The following PCDHA8 variants were observed in gnomAD, a reference collection of about 807,000 sequenced individuals.
PCDHA8 encodes the protein protocadherin alpha-8.
Under a neutral mutation model 61.8 loss-of-function variants are expected in PCDHA8, and 53 were observed. That is an observed-to-expected ratio of 0.86 (90% confidence interval 0.69 to 1.08). PCDHA8 has a LOEUF of 1.08. Ranked by LOEUF, PCDHA8 falls within the 50% of genes least tolerant of loss-of-function variation. PCDHA8 has a pLI of 0.00. For missense variants in PCDHA8, 1,293 were observed against 1,245.0 expected (o/e 1.04, Z -0.58); for synonymous variants, 618 against 556.6 (o/e 1.11, Z -1.55).
In PCDHA8 at chr5:140,925,595, A is replaced by G. The variant is rs145876147; in HGVS notation, c.2395-53354A>G. 2.8e-3 allele frequency among the ~76,000 whole-genome samples: 431 copies of G among 151,786 alleles called. 1 individual carries two copies. Among genetic ancestry groups the G allele is most frequent in the African/African-American group, 9.9e-3 (412 of 41,446 alleles). On this transcript the variant is annotated intron_variant, in intron 1 of 3. Coordinates refer to ENST00000531613, the MANE Select transcript of PCDHA8 (RefSeq NM_018911.3). ...ACACCAACATGGCGCATGTATACAT[A>G]TGTAACAAACCTGCACGTTGTGCAC...
intron 3 of PCDHA8, among the ~76,000 whole-genome samples, chr5:141,003,476 C>G (rs555987176): frequency 1.3e-3 from 191 of 152,130 alleles, no homozygotes; most frequent in African/African-American, 4.3e-3. Context: ...CACAGTCTCG[C>G]TAATTTTTAT....
Position 141,010,339 on chromosome 5 carries a change from A to G in PCDHA8, c.*402A>G. 2 of 1,534,058 alleles carry G rather than the reference A, an allele frequency of 1.3e-6. No homozygotes were observed. Among genetic ancestry groups the G allele is most frequent in the East Asian group, 4.9e-5 (2 of 40,762 alleles). On this transcript the variant is annotated 3_prime_UTR_variant, in exon 4 of 4. Transcript: ENST00000531613. ...TTGAGCAGCTTGGGAGTTTGTGGCC[A>G]CTGGGTATGTGTGGCTACCGCGGGT...
At chr5:140,977,140 G>A (rs2096748068) in intron 1 of PCDHA8, among the ~76,000 whole-genome samples, 1 of 152,202 alleles carries the variant, frequency 6.6e-6, no homozygotes, top group Non-Finnish European at 1.5e-5. Context: ...GGTCAGTCCT[G>A]CTGGAACTGT....
chr5:140,928,379 G>C, intron 1 of PCDHA8: 1 of 1,614,172 alleles, frequency 6.2e-7, no homozygotes, highest in Non-Finnish European at 8.5e-7. Flanking sequence ...TCAGCCTCTA[G>C]CTTGCTGGCA....
At chr5:140,905,092 CAGTCATGAA>C (rs1554191919) in intron 1 of PCDHA8, among the ~76,000 whole-genome samples, 5 of 152,092 alleles carry the variant, frequency 3.3e-5, no homozygotes, top group African/African-American at 1.2e-4. Flanking sequence ...TTTGGGTTCT[CAGTCATGAA>C]TTGTTTGCCT....
chr5:140,978,898 G>A (rs2096827765), intron 1 of PCDHA8, 51 bp from the exon 2 acceptor site: 1 of 1,612,868 alleles, frequency 6.2e-7, no homozygotes. Flanking sequence ...GCATTCCTGG[G>A]AGAACATTGT....
intron 1 of PCDHA8, among the ~76,000 whole-genome samples, chr5:140,953,875 C>T (rs1054189459): frequency 4.6e-5 from 7 of 152,088 alleles, no homozygotes; most frequent in Admixed American, 4.6e-4. Context: ...CTGCACAGAT[C>T]AACCCATCAC....
chr5:140,857,100 T>G (rs782765383), intron 1 of PCDHA8: 1 of 1,597,740 alleles, frequency 6.3e-7, no homozygotes. Context: ...GAGGTGATTG[T>G]CACTTCTCTG....
At position 140,968,542 on chromosome 5, in the gene PCDHA8, G is replaced by A. The variant is rs782474856; in HGVS notation, c.2395-10407G>A. On this transcript the variant is annotated intron_variant, in intron 1 of 3. Transcript: ENST00000531613. ...CAACCAACTCGTCAGCAGCCTTCGA[G>A]ATGGTGCCTCGAACTGCCCCTGCTG... is the stretch of plus-strand genomic sequence containing the variant. The A allele has an allele frequency of 1.1e-5, 18 of 1,614,204 alleles. 2 individuals are homozygous for A. In the South Asian group the frequency reaches 2.0e-4, roughly 18 times the overall value.
chr5:140,889,760 A>T (rs1228592233), intron 1 of PCDHA8, among the ~76,000 whole-genome samples: 1 of 152,158 alleles, frequency 6.6e-6, no homozygotes, highest in Admixed American at 6.5e-5. Flanking sequence ...CTTTCCTTGA[A>T]CTTTGACTGG....
chr5:140,854,012 A>G (rs1356134246), intron 1 of PCDHA8: 2 of 368,086 alleles, frequency 5.4e-6, no homozygotes, highest in African/African-American at 4.5e-5. Flanking sequence ...AAAAAAAAAA[A>G]TTAGCCGGGC....
chr5:140,937,812 T>A (rs930837901), intron 1 of PCDHA8, among the ~76,000 whole-genome samples: 3 of 150,742 alleles, frequency 2.0e-5, no homozygotes, highest in Non-Finnish European at 4.4e-5. Flanking sequence ...CTCGGGAAGC[T>A]GAGGCAGGAG....
In PCDHA8 at chr5:140,842,142, A is replaced by G. The variant is rs2150330261; in HGVS notation, c.821A>G (p.Asn274Ser). The G allele has an allele frequency of 4.3e-6, 7 of 1,613,746 alleles. No individual in the cohort carries two copies. The highest frequency in any genetic ancestry group is 1.6e-4 in the Middle Eastern group (1 of 6,084). The change falls in exon 1 of 4, where the codon AAT becomes AGT. Residue 274 changes from asparagine to serine, a missense_variant. By Grantham distance (46) the Asn-to-Ser change is conservative. Transcript: ENST00000531613. The stretch of plus-strand genomic sequence containing the variant: ...GCTTCTGATCCGGATGAAGGAGCCA[A>G]TGGGGCAATTTCATATTCTTTTAAT... ...LNASDPDEGA[N>S]GAISYSFNSL...
Position 140,969,604 on chromosome 5 carries a change from AAC to A in PCDHA8, c.2395-9341_2395-9340del. 5.2e-6 allele frequency: 4 copies of A among 765,156 alleles called. No homozygotes were observed. The South Asian group carries it at 6.3e-5, about 12-fold the overall frequency. 47.4% of individuals were successfully genotyped at this position (765,156 alleles called of 1,614,324 possible). A position where few individuals can be genotyped will look rare whatever the true frequency, so the allele number is the denominator to read the frequency against. On this transcript the variant is annotated intron_variant, in intron 1 of 3. Transcript: ENST00000531613. Reference sequence around the variant, plus strand: ...GATTAGTCTTAATATTTAATGCTAAAACACAGATTTGTAGAGAAACAGGACAG... The same window carrying A: ...GATTAGTCTTAATATTTAATGCTAAAACAGATTTGTAGAGAAACAGGACAG...
At chr5:140,864,648 G>A (rs2048555529) in intron 1 of PCDHA8, 1 of 152,150 alleles carries the variant, frequency 6.6e-6, no homozygotes, top group Non-Finnish European at 1.5e-5. Context: ...AACAATGTCA[G>A]CTCTACTTAA....
intron 1 of PCDHA8, chr5:140,857,657 C>T (rs1207727837): frequency 1.9e-6 from 3 of 1,596,740 alleles, no homozygotes; most frequent in Non-Finnish European, 1.7e-6. Context: ...GGTGAGCGCG[C>T]GCGATGGGGG....
intron 1 of PCDHA8, among the ~76,000 whole-genome samples, chr5:140,875,118 A>T (rs1381092384): frequency 6.6e-6 from 1 of 152,224 alleles, no homozygotes; most frequent in African/African-American, 2.4e-5. Context: ...TATCATGTAT[A>T]TTAACTAAAC....
chr5:140,844,983 A>G (rs1554140802), intron 1 of PCDHA8, among the ~76,000 whole-genome samples: 1 of 149,210 alleles, frequency 6.7e-6, no homozygotes, highest in Admixed American at 6.7e-5. Flanking sequence ...ATTGTTTTAA[A>G]TCTTTTAATC....
intron 1 of PCDHA8, among the ~76,000 whole-genome samples, chr5:140,912,893 T>C (rs1346036777): frequency 6.6e-6 from 1 of 152,262 alleles, no homozygotes; most frequent in East Asian, 1.9e-4. Context: ...TCTGTTGATA[T>C]GATGTATCAT....
Sources: allele counts gnomAD v4.1 joint callset (sites outside exome capture counted in the v4.1 genomes callset), GRCh38; gene constraint gnomAD v4.1.1; transcripts MANE v1.5; gene names NCBI Gene and HGNC (gene_info 2026-07-23, HGNC 2026-07-21).